The following TNKS variants were observed in gnomAD, a reference collection of about 807,000 sequenced individuals.
TNKS encodes tankyrase, also known as poly [ADP-ribose] polymerase tankyrase-1.
Under a neutral mutation model 135.8 loss-of-function variants are expected in TNKS, and 72 were observed. The observed-to-expected ratio is 0.53, with a 90% CI of 0.44 to 0.64. The LOEUF (loss-of-function observed/expected upper bound fraction) is 0.64. Ranked by LOEUF, TNKS falls within the 30% of genes least tolerant of loss-of-function variation. The pLI is 0.00. For synonymous variants in TNKS, 849 were observed against 649.3 expected (o/e 1.31, Z -4.68); for missense variants, 1,769 against 1,674.0 (o/e 1.06, Z -0.99).
chr8:9,751,907 T>G, intron 19 of TNKS, 61 bp downstream of exon 19: 1 of 1,491,438 alleles, frequency 6.7e-7, no homozygotes, highest in Non-Finnish European at 9.3e-7. Context: ...CAGAATGACT[T>G]TTTTCTATTG....
chr8:9,768,911 C>T (rs1807627612), intron 25 of TNKS, among the ~76,000 whole-genome samples: 2 of 152,168 alleles, frequency 1.3e-5, no homozygotes, highest in African/African-American at 2.4e-5. Context: ...GGATCCAGCA[C>T]AAATTTTAGT....
At chr8:9,676,639 CAT>C (rs1386776567) in intron 3 of TNKS, among the ~76,000 whole-genome samples, 2 of 151,684 alleles carry the variant, frequency 1.3e-5, no homozygotes, top group Non-Finnish European at 2.9e-5. Flanking sequence ...GTTTTAATAA[CAT>C]AGCTCTTTAA....
At chr8:9,706,520 GCA>G (rs1236857908) in intron 7 of TNKS, among the ~76,000 whole-genome samples, 1 of 152,088 alleles carries the variant, frequency 6.6e-6, no homozygotes, top group African/African-American at 2.4e-5. Context: ...GTGCCACCAC[GCA>G]CAGCTAATTT....
chr8:9,676,708 GTGTT>G (rs1802557611), intron 3 of TNKS, among the ~76,000 whole-genome samples: 1 of 151,692 alleles, frequency 6.6e-6, no homozygotes, highest in Admixed American at 6.6e-5. Flanking sequence ...GTGTGTGTGT[GTGTT>G]TGTGTGTGTG....
At chr8:9,591,638 C>G (rs1372814743) in intron 2 of TNKS, among the ~76,000 whole-genome samples, 1 of 152,000 alleles carries the variant, frequency 6.6e-6, no homozygotes, top group Non-Finnish European at 1.5e-5. Context: ...TTTGAGAATT[C>G]TTTTTGTGCT....
intron 22 of TNKS, among the ~76,000 whole-genome samples, chr8:9,763,823 A>G (rs377687916): frequency 6.6e-6 from 1 of 152,152 alleles, no homozygotes; most frequent in Non-Finnish European, 1.5e-5. Context: ...GCCTAATGCC[A>G]TTGTTATAAG....
intron 3 of TNKS, among the ~76,000 whole-genome samples, chr8:9,627,966 A>G (rs1178498570): frequency 6.6e-6 from 1 of 152,192 alleles, no homozygotes; most frequent in Non-Finnish European, 1.5e-5. Context: ...GCACTCGTGT[A>G]CAATGCTTTC....
At chr8:9,717,082 T>TAC (rs1342868816) in intron 11 of TNKS, among the ~76,000 whole-genome samples, 4 of 119,714 alleles carry the variant, frequency 3.3e-5, no homozygotes, top group African/African-American at 1.2e-4. Flanking sequence ...AATATATATA[T>TAC]ATATATATAT....
At chr8:9,599,608 A>G (rs574719405) in intron 2 of TNKS, among the ~76,000 whole-genome samples, 8 of 152,338 alleles carry the variant, frequency 5.3e-5, no homozygotes, top group Admixed American at 2.0e-4. Context: ...TTATTCCAGT[A>G]TCTGCCTTAT....
intron 18 of TNKS, among the ~76,000 whole-genome samples, chr8:9,749,171 C>G (rs1175082393): frequency 6.6e-6 from 1 of 152,202 alleles, no homozygotes; most frequent in African/African-American, 2.4e-5. Flanking sequence ...CAGATTCCAC[C>G]TTCTTTGAAA....
chr8:9,644,774 T>TC (rs1482517676), intron 3 of TNKS, among the ~76,000 whole-genome samples: 1 of 152,196 alleles, frequency 6.6e-6, no homozygotes, highest in East Asian at 1.9e-4. Context: ...ACCTTGGTTT[T>TC]TTTTACTATA....
intron 2 of TNKS, among the ~76,000 whole-genome samples, chr8:9,583,978 C>G (rs1798270365): frequency 6.6e-6 from 1 of 151,398 alleles, no homozygotes; most frequent in Non-Finnish European, 1.5e-5. Context: ...TCCTGGCTAA[C>G]ACAGTGAAAC....
At chr8:9,577,767 C>G (rs997924428) in intron 1 of TNKS, among the ~76,000 whole-genome samples, 1 of 152,176 alleles carries the variant, frequency 6.6e-6, no homozygotes, top group Non-Finnish European at 1.5e-5. Flanking sequence ...TCATATCCTT[C>G]TCATATTTCA....
rs573416594 is a variant in TNKS at position 9,777,905 on chromosome 8, C to T, written c.*1169C>T. ...ACAAATGCAAGGACTTTTTTGTTTA[C>T]TCCAGATTTGGGGTTTATTTTGAGT... On this transcript the variant is annotated 3_prime_UTR_variant, in exon 27 of 27. Coordinates refer to ENST00000310430, the MANE Select transcript of TNKS (RefSeq NM_003747.3). The T allele has an allele frequency of 1.3e-4, 20 of 152,688 alleles. No individual in the cohort carries two copies. Among genetic ancestry groups the T allele is most frequent in the African/African-American group, 4.6e-4 (19 of 41,552 alleles). 9.5% of individuals were successfully genotyped at this position (152,688 alleles called of 1,614,324 possible).
chr8:9,560,204 G>T (rs1442248931), intron 1 of TNKS, among the ~76,000 whole-genome samples: 2 of 151,906 alleles, frequency 1.3e-5, no homozygotes, highest in Admixed American at 6.6e-5. Flanking sequence ...TCTTTTTATA[G>T]AAAAGTTTAA....
intron 2 of TNKS, among the ~76,000 whole-genome samples, chr8:9,608,716 T>C (rs112463318): frequency 2.6e-3 from 402 of 152,280 alleles, no homozygotes; most frequent in Non-Finnish European, 3.1e-3. Flanking sequence ...TCTTCTGCCT[T>C]GAGTTTGGAT....
chr8:9,615,422 C>T, intron 2 of TNKS, 160 bp from the exon 3 acceptor site: 1 of 513,642 alleles, frequency 1.9e-6, no homozygotes, highest in South Asian at 3.0e-5. Flanking sequence ...AGAGAGGCTC[C>T]TTTGCTGCAG....
intron 18 of TNKS, among the ~76,000 whole-genome samples, chr8:9,750,218 C>A (rs907055784): frequency 6.6e-6 from 1 of 152,170 alleles, no homozygotes; most frequent in African/African-American, 2.4e-5. Flanking sequence ...GCCATGTTTT[C>A]CTGTCAGCAC....
chr8:9,622,129 A>C (rs1469021021), intron 3 of TNKS, among the ~76,000 whole-genome samples: 1 of 152,214 alleles, frequency 6.6e-6, no homozygotes, highest in Admixed American at 6.5e-5. Flanking sequence ...TTAAAATATG[A>C]AGACAATTTA....
Sources: gnomAD v4.1 joint callset for allele counts (sites outside exome capture counted in the v4.1 genomes callset) on GRCh38, gnomAD v4.1.1 for gene constraint, MANE v1.5 for transcripts, NCBI Gene and HGNC (gene_info 2026-07-23, HGNC 2026-07-21) for gene names.